Variants in FNBP1L observed in about 807,000 individuals in gnomAD.
FNBP1L encodes the protein formin-binding protein 1-like.
FNBP1L carries 36 observed loss-of-function variants against 91.2 expected under a neutral mutation model. That is an observed-to-expected ratio of 0.39 (90% CI 0.30 to 0.52). The LOEUF (loss-of-function observed/expected upper bound fraction) is 0.52, where lower values mean the gene tolerates loss of function less well. Among genes scored for constraint, FNBP1L ranks in the 20% least tolerant of loss-of-function variants. The pLI is 0.66. For missense variants in FNBP1L, 571 were observed against 732.1 expected (o/e 0.78, Z 2.54); for synonymous variants, 242 against 237.0 (o/e 1.02, Z -0.19).
intron 1 of FNBP1L, among the ~76,000 whole-genome samples, chr1:93,464,488 A>G (rs1213708908): frequency 6.6e-6 from 1 of 152,168 alleles, no homozygotes; most frequent in Admixed American, 6.5e-5. Context: ...CATGAATAAA[A>G]CATTCATTAT....
At chr1:93,540,020 T>G (rs890900996) in intron 10 of FNBP1L, among the ~76,000 whole-genome samples, 8 of 152,122 alleles carry the variant, frequency 5.3e-5, no homozygotes, top group African/African-American at 1.7e-4. Flanking sequence ...TTGAGATGAA[T>G]GTGAAGATTA....
intron 10 of FNBP1L, among the ~76,000 whole-genome samples, chr1:93,538,612 T>C (rs1031876720): frequency 1.3e-5 from 2 of 152,184 alleles, no homozygotes; most frequent in African/African-American, 2.4e-5. Context: ...AATTAACCTA[T>C]AGAGATTTTT....
chr1:93,551,245 A>C, intron 16 of FNBP1L, 140 bp downstream of exon 16: 18 of 1,383,280 alleles, frequency 1.3e-5, no homozygotes, highest in Non-Finnish European at 1.6e-5. Flanking sequence ...ATTGTTCACT[A>C]TGTGAGCTGA....
Position 93,457,096 on chromosome 1 carries a change from C to T in FNBP1L, c.24+8791C>T, listed in dbSNP as rs139243189. Among the ~76,000 whole-genome samples the T allele has an allele frequency of 8.3e-3, 1,259 of 152,224 alleles. 14 individuals are homozygous for T. Among genetic ancestry groups the T allele is most frequent in the Middle Eastern group, 0.048 (14 of 294 alleles). On this transcript the variant is annotated intron_variant, in intron 1 of 16. Transcript: ENST00000271234. ...AGAGATAGCGTTTAGCCATATTGCCCAGGCTGGGATCTTCTGGGCTCAAGT... is the reference window on the plus strand; with the variant it reads ...AGAGATAGCGTTTAGCCATATTGCCTAGGCTGGGATCTTCTGGGCTCAAGT...
chr1:93,526,193 A>G (rs1671486817), intron 5 of FNBP1L, among the ~76,000 whole-genome samples: 1 of 152,202 alleles, frequency 6.6e-6, no homozygotes, highest in Admixed American at 6.5e-5. Context: ...GATTAAGAAG[A>G]TAGAAGCATC....
chr1:93,551,076 T>C lies in FNBP1L; in HGVS notation c.1781T>C (p.Ile594Thr). The C allele has an allele frequency of 1.9e-6, 3 of 1,611,484 alleles. No individual in the cohort carries two copies. Among genetic ancestry groups the C allele is most frequent in the Non-Finnish European group, 2.5e-6 (3 of 1,178,770 alleles). Residue 594 changes from isoleucine (I) to threonine (T), a missense_variant, in exon 16 of 17, where the codon ATA (isoleucine) becomes ACA (threonine). Physicochemically the swap from Ile to Thr is moderately conservative, Grantham distance 89. This residue lies in a region of FNBP1L where 189 missense variants were observed against 219.7 expected (regional missense o/e 0.86). Transcript: ENST00000271234. ...GEEGYVPTSY[I>T]DVTLEKNSKG... The stretch of plus-strand genomic sequence containing the variant: ...GAAGGCTACGTTCCCACGTCATACA[T>C]AGATGTAACTCTAGAGAAAAACAGT...
At position 93,542,443 on chromosome 1, in the gene FNBP1L, G is replaced by GAAAAA. The variant is rs61650755; in HGVS notation, c.1164+1406_1164+1410dup. 5.6e-4 allele frequency among the ~76,000 whole-genome samples: 46 copies of GAAAAA among 82,516 alleles called. 1 individual carries two copies. Among genetic ancestry groups the GAAAAA allele is most frequent in the Non-Finnish European group, 6.9e-4 (31 of 45,102 alleles). The allele number at this position is 82,516 out of a possible 152,430, so 54.1% of individuals were successfully genotyped here. A position where few individuals can be genotyped will look rare whatever the true frequency, so the allele number is the denominator to read the frequency against. On this transcript the variant is annotated intron_variant, in intron 11 of 16. Transcript: ENST00000271234. ...TCCTTGTTTCTGGTGATTGGTAAATGAAAAAAAAAAAAAAAAAAAAAAAGC... is the reference window on the plus strand; with the variant it reads ...TCCTTGTTTCTGGTGATTGGTAAATGAAAAAAAAAAAAAAAAAAAAAAAAAAAAGC...
intron 2 of FNBP1L, among the ~76,000 whole-genome samples, chr1:93,518,925 T>C (rs1370678925): frequency 6.6e-6 from 1 of 152,258 alleles, no homozygotes; most frequent in Non-Finnish European, 1.5e-5. Context: ...TTGCCTATTC[T>C]AGTGAATTAT....
chr1:93,524,408 G>A (rs1054674019), intron 5 of FNBP1L, 85 bp downstream of exon 5: 1 of 942,510 alleles, frequency 1.1e-6, no homozygotes, highest in African/African-American at 1.7e-5. Flanking sequence ...ATCTATTTGA[G>A]TTTAATGTTT....
At chr1:93,462,871 C>T (rs1668921704) in intron 1 of FNBP1L, among the ~76,000 whole-genome samples, 1 of 151,926 alleles carries the variant, frequency 6.6e-6, no homozygotes, top group African/African-American at 2.4e-5. Flanking sequence ...CTATGTATAG[C>T]GAAAACTGAA....
At chr1:93,470,164 G>T (rs1669237402) in intron 1 of FNBP1L, among the ~76,000 whole-genome samples, 1 of 152,036 alleles carries the variant, frequency 6.6e-6, no homozygotes, top group African/African-American at 2.4e-5. Flanking sequence ...GATGGGTCTA[G>T]CTCTGTTGCC....
At chr1:93,527,349 A>G (rs1468397550) in intron 5 of FNBP1L, among the ~76,000 whole-genome samples, 1 of 152,196 alleles carries the variant, frequency 6.6e-6, no homozygotes, top group Non-Finnish European at 1.5e-5. Flanking sequence ...GATAAGTGGC[A>G]TTTGGAAAAA....
chr1:93,508,253 G>C (rs1670701929), intron 2 of FNBP1L, among the ~76,000 whole-genome samples: 1 of 152,084 alleles, frequency 6.6e-6, no homozygotes, highest in African/African-American at 2.4e-5. Context: ...GGGAGGCTGA[G>C]GTGGGAGGAT....
intron 12 of FNBP1L, among the ~76,000 whole-genome samples, chr1:93,545,211 G>T (rs1672183316): frequency 2.0e-5 from 3 of 152,012 alleles, no homozygotes; most frequent in Non-Finnish European, 4.4e-5. Flanking sequence ...GCCATGCTTA[G>T]GGGCTATTTT....
intron 2 of FNBP1L, among the ~76,000 whole-genome samples, chr1:93,516,053 T>C (rs1390066754): frequency 6.6e-6 from 1 of 152,212 alleles, no homozygotes; most frequent in Non-Finnish European, 1.5e-5. Context: ...TCAGTATATG[T>C]AGACTCCTCC....
At chr1:93,546,098 T>C (rs963965866) in intron 12 of FNBP1L, among the ~76,000 whole-genome samples, 3 of 152,016 alleles carry the variant, frequency 2.0e-5, no homozygotes, top group African/African-American at 7.2e-5. Flanking sequence ...AACAAGACTG[T>C]AGGAAGAGAC....
chr1:93,462,572 G>A (rs1668909865), intron 1 of FNBP1L, among the ~76,000 whole-genome samples: 1 of 151,938 alleles, frequency 6.6e-6, no homozygotes, highest in South Asian at 2.1e-4. Context: ...GACTTCCCTT[G>A]TTTTTGATAA....
chr1:93,543,845 C>G, intron 11 of FNBP1L: 1 of 231,028 alleles, frequency 4.3e-6, no homozygotes. Context: ...TTATCTGTAT[C>G]TGGGTATGAT....
At chr1:93,473,661 T>C (rs1250458855) in intron 1 of FNBP1L, among the ~76,000 whole-genome samples, 1 of 152,194 alleles carries the variant, frequency 6.6e-6, no homozygotes, top group Non-Finnish European at 1.5e-5. Flanking sequence ...GAGCTTAACG[T>C]GTATTTGAAC....
Sources: gnomAD v4.1 joint callset for allele counts (sites outside exome capture counted in the v4.1 genomes callset) on GRCh38, gnomAD v4.1.1 for gene constraint, gnomAD v4.1.1 regional missense constraint, MANE v1.5 for transcripts, NCBI Gene and HGNC (gene_info 2026-07-23, HGNC 2026-07-21) for gene names.